IWS1: variants seen among roughly 807,000 people sequenced by gnomAD.
IWS1 encodes the protein protein IWS1 homolog.
Under a neutral mutation model 86.7 loss-of-function variants are expected in IWS1, and 27 were observed. That is an observed-to-expected ratio of 0.31 (90% CI 0.23 to 0.43). The LOEUF (loss-of-function observed/expected upper bound fraction) is 0.43. Among genes scored for constraint, IWS1 ranks in the 20% least tolerant of loss-of-function variants. The probability of loss-of-function intolerance (pLI) is 1.00; values close to 1 mark genes in which losing one functional copy is unlikely to be tolerated. For synonymous variants in IWS1, 313 were observed against 335.1 expected (o/e 0.93, Z 0.72); for missense variants, 827 against 1,000.8 (o/e 0.83, Z 2.34).
At position 127,526,201 on chromosome 2, in the gene IWS1, G is replaced by A. The variant is rs1222794199; in HGVS notation, c.8C>T (p.Ser3Leu). 1.3e-6 allele frequency: 2 copies of A among 1,594,470 alleles called. No homozygotes were observed. Among genetic ancestry groups the A allele is most frequent in the Admixed American group, 1.7e-5 (1 of 57,874 alleles). Residue 3 changes from serine to leucine, a missense_variant, in exon 1 of 14, where the codon TCG (serine) becomes TTG (leucine). Transcript: ENST00000295321. The part of the protein sequence containing the change: MD[S>L]EYYSGDQSDD... ...TGACTGGTCGCCGCTGTAATATTCCGAGTCCATGGCAGGCGGACTCTCAGC... is the reference window on the plus strand; with the variant it reads ...TGACTGGTCGCCGCTGTAATATTCCAAGTCCATGGCAGGCGGACTCTCAGC...
In IWS1 at chr2:127,481,001, G is replaced by C; in HGVS notation, c.*43C>G. On this transcript the variant is annotated 3_prime_UTR_variant, in exon 14 of 14. Coordinates refer to ENST00000295321, the MANE Select transcript of IWS1 (RefSeq NM_017969.3). The stretch of plus-strand genomic sequence containing the variant: ...ATCTTCTTTCTCCAAAGAGTCCATT[G>C]CGCATTTCTTAGAGTAGAGATGGGG... 2 of 1,572,160 alleles carry C rather than the reference G, an allele frequency of 1.3e-6. No individual in the cohort carries two copies. Among genetic ancestry groups the C allele is most frequent in the Non-Finnish European group, 1.7e-6 (2 of 1,163,016 alleles).
chr2:127,508,804 A>G (rs1306554401), intron 2 of IWS1, among the ~76,000 whole-genome samples: 1 of 152,204 alleles, frequency 6.6e-6, no homozygotes, highest in African/African-American at 2.4e-5. Context: ...TGGCCAAGGC[A>G]ATATTAGAAA....
chr2:127,489,613 G>A lies in IWS1; in HGVS notation c.2159+219C>T, dbSNP rs1216912386. 1.8e-6 allele frequency: 1 copy of A among 549,998 alleles called. No individual in the cohort carries two copies. The highest frequency in any genetic ancestry group is 3.5e-5 in the Admixed American group (1 of 28,788). The allele number at this position is 549,998 out of a possible 1,614,324, so 34.1% of individuals were successfully genotyped here. On this transcript the variant is annotated intron_variant, in intron 11 of 13. Coordinates refer to ENST00000295321, the MANE Select transcript of IWS1 (RefSeq NM_017969.3). The surrounding 1 kb of genome is among the most constrained non-coding windows in gnomAD (Gnocchi z 4.8). ...CAATCAGTATCCTGAAACAGGCCCTGTTCCAACAAACTGACCCAGAAAGGT... is the reference window on the plus strand; with the variant it reads ...CAATCAGTATCCTGAAACAGGCCCTATTCCAACAAACTGACCCAGAAAGGT...
chr2:127,516,191 T>G (rs780565617), intron 2 of IWS1, among the ~76,000 whole-genome samples: 4 of 152,146 alleles, frequency 2.6e-5, no homozygotes, highest in Non-Finnish European at 4.4e-5. Flanking sequence ...CAAAACTCCA[T>G]GTCTACAACA....
intron 2 of IWS1, chr2:127,514,444 C>T (rs334139): frequency 0.2 from 31,497 of 154,390 alleles, 6,769 homozygotes; most frequent in African/African-American, 0.54. Flanking sequence ...TCACCAACGC[C>T]GTGGGCAGCA....
intron 2 of IWS1, among the ~76,000 whole-genome samples, chr2:127,519,704 A>C (rs1463129248): frequency 6.6e-6 from 1 of 152,200 alleles, no homozygotes; most frequent in East Asian, 1.9e-4. Flanking sequence ...CTTTACATGC[A>C]AGGGACTGTG....
At chr2:127,484,996 CAAAAAG>C (rs55917794) in intron 13 of IWS1, among the ~76,000 whole-genome samples, 81,657 of 148,552 alleles carry the variant, frequency 0.55, 23,281 homozygotes, top group Admixed American at 0.68. Context: ...GACTCCGTCT[CAAAAAG>C]AAAAAGAAAA....
At chr2:127,506,119 C>A (rs572194266) in intron 2 of IWS1, among the ~76,000 whole-genome samples, 2 of 152,266 alleles carry the variant, frequency 1.3e-5, no homozygotes, top group South Asian at 4.1e-4. Flanking sequence ...AGGTGGCTCA[C>A]ACCTTTTGGG....
intron 2 of IWS1, chr2:127,514,508 A>G (rs777257920): frequency 1.1e-4 from 17 of 152,838 alleles, no homozygotes; most frequent in Middle Eastern, 1.6e-3. Context: ...GAGACTCTCC[A>G]AAACAGGGTT....
intron 2 of IWS1, among the ~76,000 whole-genome samples, chr2:127,507,081 T>C (rs1195162805): frequency 6.6e-6 from 1 of 152,216 alleles, no homozygotes; most frequent in Non-Finnish European, 1.5e-5. Flanking sequence ...TATGTGAACC[T>C]ACCACAGACC....
intron 13 of IWS1, chr2:127,482,709 C>T (rs998295680): frequency 6.6e-6 from 1 of 152,210 alleles, no homozygotes; most frequent in African/African-American, 2.4e-5. Context: ...CACACACGGG[C>T]CAGTGGGTTA....
Position 127,505,739 on chromosome 2 carries a change from T to A in IWS1, c.164A>T (p.Asp55Val). The A allele has an allele frequency of 6.5e-7, 1 of 1,533,258 alleles. No homozygotes were observed. The allele number at this position is 1,533,258 out of a possible 1,614,324, so 95.0% of individuals were successfully genotyped here. A position where few individuals can be genotyped will look rare whatever the true frequency, so the allele number is the denominator to read the frequency against. ...VERHSENETS[D>V]REDGLPKGHH... ...TCCTTTGGGGAGGCCATCTTCTCGA[T>A]CACTAGTTTCATTCTGAAAAATAAA... The change falls in exon 3 of 14, where the codon GAT becomes GTT. Residue 55 changes from aspartate (D) to valine (V), a missense_variant. By Grantham distance (152) the Asp-to-Val change is radical (BLOSUM62 -3). Transcript: ENST00000295321. This position sits in a 1 kb window ranked among gnomAD's most constrained non-coding sequence, Gnocchi z 5.0.
At chr2:127,506,995 A>C (rs1248587445) in intron 2 of IWS1, among the ~76,000 whole-genome samples, 1 of 152,200 alleles carries the variant, frequency 6.6e-6, no homozygotes, top group African/African-American at 2.4e-5. Flanking sequence ...AAAAAGTGAA[A>C]GTATTTCCGT....
intron 13 of IWS1, chr2:127,484,805 G>C (rs1434955108): frequency 1.3e-5 from 2 of 152,182 alleles, no homozygotes; most frequent in African/African-American, 2.4e-5. Flanking sequence ...AGACCATCAT[G>C]GCTAACAGGA....
At position 127,499,572 on chromosome 2, in the gene IWS1, T is replaced by C. The variant is rs1399733854; in HGVS notation, c.1468-1335A>G. On this transcript the variant is annotated intron_variant, in intron 5 of 13. Coordinates refer to ENST00000295321, the MANE Select transcript of IWS1 (RefSeq NM_017969.3). This position sits in a 1 kb window ranked among gnomAD's most constrained non-coding sequence, Gnocchi z 4.0. The stretch of plus-strand genomic sequence containing the variant: ...GTAAGTATACCTTATTCTTACAATA[T>C]GGTGCTTAACTAAGTATGAGCTCCA... 1.3e-5 allele frequency among the ~76,000 whole-genome samples: 2 copies of C among 152,204 alleles called. No homozygotes were observed. Among genetic ancestry groups the C allele is most frequent in the African/African-American group, 4.8e-5 (2 of 41,436 alleles).
chr2:127,507,157 G>GTGACAAGATTATTCTTGTCAA (rs1324069118), intron 2 of IWS1, among the ~76,000 whole-genome samples: 1 of 152,068 alleles, frequency 6.6e-6, no homozygotes, highest in Non-Finnish European at 1.5e-5. Flanking sequence ...AAACAGTTAA[G>GTGACAAGATTATTCTTGTCAA]TGACAAGATT....
Position 127,499,193 on chromosome 2 carries a change from C to T in IWS1, c.1468-956G>A, listed in dbSNP as rs1690675044. Among the ~76,000 whole-genome samples, 1 of 151,516 alleles carries T rather than the reference C, an allele frequency of 6.6e-6. No homozygotes were observed. The highest frequency in any genetic ancestry group is 2.4e-5 in the African/African-American group (1 of 41,164). ...GCAAGCTCCACCTCCCGGGTTCATG[C>T]CATTCTCCTGCCTCAGCCTTCTGAG... On this transcript the variant is annotated intron_variant, in intron 5 of 13. Coordinates refer to ENST00000295321, the MANE Select transcript of IWS1 (RefSeq NM_017969.3). The surrounding 1 kb of genome is among the most constrained non-coding windows in gnomAD (Gnocchi z 4.0).
intron 2 of IWS1, among the ~76,000 whole-genome samples, chr2:127,516,659 T>C (rs1210382705): frequency 6.6e-6 from 1 of 151,842 alleles, no homozygotes; most frequent in Non-Finnish European, 1.5e-5. Flanking sequence ...TACTCAGAGG[T>C]ATGAGGCGGG....
At position 127,499,095 on chromosome 2, in the gene IWS1, CTTTT is replaced by C. The variant is rs397718564; in HGVS notation, c.1468-862_1468-859del. ...TTTGCCAGGCATAATTTTTCTTTTT[CTTTT>C]TTTTTTTTTGAGACGGAGTCTCACT... On this transcript the variant is annotated intron_variant, in intron 5 of 13. Transcript: ENST00000295321. This position sits in a 1 kb window ranked among gnomAD's most constrained non-coding sequence, Gnocchi z 4.0. 0.01 allele frequency among the ~76,000 whole-genome samples: 1,497 copies of C among 143,810 alleles called. 14 individuals carry two copies. Among genetic ancestry groups the C allele is most frequent in the Non-Finnish European group, 0.016 (1,063 of 66,232 alleles). The allele number at this position is 143,810 out of a possible 152,430, so 94.3% of individuals were successfully genotyped here. A position where few individuals can be genotyped will look rare whatever the true frequency, so the allele number is the denominator to read the frequency against.
Sources: allele counts gnomAD v4.1 joint callset (sites outside exome capture counted in the v4.1 genomes callset), GRCh38; gene constraint gnomAD v4.1.1; non-coding constraint Gnocchi (gnomAD v3.1); transcripts MANE v1.5; gene names NCBI Gene and HGNC (gene_info 2026-07-23, HGNC 2026-07-21).